The following ANO10 variants were observed in gnomAD, a reference collection of about 807,000 sequenced individuals.
ANO10 encodes anoctamin-10.
In ANO10, 77 loss-of-function variants were observed where a neutral mutation model predicts 74.7. That is an observed-to-expected ratio of 1.03 (90% CI 0.86 to 1.25). The LOEUF (loss-of-function observed/expected upper bound fraction) is 1.25, where lower values mean the gene tolerates loss of function less well. Ranked by LOEUF, ANO10 falls within the 50% of genes most tolerant of loss-of-function variation. The pLI is 0.00. For synonymous variants in ANO10, 279 were observed against 284.9 expected (o/e 0.98, Z 0.21); for missense variants, 721 against 778.1 (o/e 0.93, Z 0.87).
intron 11 of ANO10, among the ~76,000 whole-genome samples, chr3:43,436,658 G>C (rs893783553): frequency 1.3e-5 from 2 of 152,196 alleles, no homozygotes; most frequent in Non-Finnish European, 2.9e-5. Flanking sequence ...ATGTTTTCCA[G>C]TGCCAGCAGT....
chr3:43,599,988 C>CA (rs1010530934), intron 3 of ANO10, among the ~76,000 whole-genome samples: 10 of 151,100 alleles, frequency 6.6e-5, no homozygotes, highest in Middle Eastern at 3.5e-3. Flanking sequence ...ATTCTGCTTT[C>CA]AAAAAAAAGG....
chr3:43,669,361 G>A lies in ANO10; in HGVS notation c.-12+22156C>T, dbSNP rs182022537. The stretch of plus-strand genomic sequence containing the variant: ...TGAGAATCTGGTAGCATTCCTGGAG[G>A]TAAAACTCATGAAAATGTGAGGGCC... On this transcript the variant is annotated intron_variant, in intron 1 of 3. Coordinates refer to the ANO10 transcript ENST00000413397. 1.9e-3 allele frequency among the ~76,000 whole-genome samples: 285 copies of A among 152,230 alleles called. 2 individuals are homozygous for A. The highest frequency in any genetic ancestry group is 1.8e-3 in the Non-Finnish European group (121 of 68,018).
rs1214802931 is a variant in ANO10 at position 43,605,856 on chromosome 3, T to G, written c.-4A>C. On this transcript the variant is annotated 5_prime_UTR_variant, in exon 2 of 13. Transcript: ENST00000292246. ...AAGCTGATAAGGTCACTTTCATCTT[T>G]GACAAATCTGCGGAAAATTAAAATA... is the stretch of plus-strand genomic sequence containing the variant. 6.2e-7 allele frequency: 1 copy of G among 1,613,372 alleles called. No individual in the cohort carries two copies. Among genetic ancestry groups the G allele is most frequent in the Admixed American group, 1.7e-5 (1 of 59,996 alleles).
At chr3:43,466,369 C>CAAAAAAAAAAAAA (rs36126977) in intron 11 of ANO10, among the ~76,000 whole-genome samples, 3 of 45,388 alleles carry the variant, frequency 6.6e-5, no homozygotes, top group South Asian at 1.2e-3. Context: ...GACTCCATCT[C>CAAAAAAAAAAAAA]AAAAAAAAAA....
At chr3:43,512,176 C>T (rs756214850) in intron 11 of ANO10, among the ~76,000 whole-genome samples, 10 of 152,166 alleles carry the variant, frequency 6.6e-5, no homozygotes, top group Non-Finnish European at 1.5e-4. Context: ...GCTCCTGTCA[C>T]CCAACTAGCA....
chr3:43,577,363 C>T, intron 5 of ANO10, 102 bp from the exon 6 acceptor site: 2 of 1,147,072 alleles, frequency 1.7e-6, no homozygotes, highest in Non-Finnish European at 2.6e-6. Context: ...GGGGATCATT[C>T]AACCCTCACT....
chr3:43,604,853 A>G (rs894071256), intron 2 of ANO10, among the ~76,000 whole-genome samples: 2 of 152,194 alleles, frequency 1.3e-5, no homozygotes, highest in Non-Finnish European at 1.5e-5. Context: ...ACATTTCAGC[A>G]AGCAAATACT....
chr3:43,683,500 C>G (rs1209176741), intron 1 of ANO10, among the ~76,000 whole-genome samples: 1 of 152,168 alleles, frequency 6.6e-6, no homozygotes, highest in South Asian at 2.1e-4. Context: ...AATGGCCATA[C>G]TGCCCGAGGT....
intron 11 of ANO10, among the ~76,000 whole-genome samples, chr3:43,531,235 T>C (rs924090655): frequency 1.3e-5 from 2 of 152,242 alleles, no homozygotes; most frequent in African/African-American, 4.8e-5. Context: ...CCTACATTTT[T>C]AAGCAAATTA....
At position 43,577,113 on chromosome 3, in the gene ANO10, G is replaced by A. The variant is rs565581904; in HGVS notation, c.741C>T (p.Ala247=). The part of the protein sequence containing the change: ...WEDYDKYVIF[A]SFNLIWSTVI... Reference sequence around the variant, plus strand: ...CCGTGGACCAGATGAGGTTGAACGAGGCAAAGATCACGTACTTGTCATAGT... The same window carrying A: ...CCGTGGACCAGATGAGGTTGAACGAAGCAAAGATCACGTACTTGTCATAGT... The change falls in exon 6 of 13, where the codon GCC becomes GCT. Residue 247 remains alanine (A), a synonymous_variant. Coordinates refer to ENST00000292246, the MANE Select transcript of ANO10 (RefSeq NM_018075.5). 5.0e-6 allele frequency: 8 copies of A among 1,614,152 alleles called. No homozygotes were observed. The East Asian group carries it at 1.3e-4, about 27-fold the overall frequency.
At chr3:43,433,555 C>G (rs2093023825) in intron 11 of ANO10, among the ~76,000 whole-genome samples, 1 of 152,164 alleles carries the variant, frequency 6.6e-6, no homozygotes, top group African/African-American at 2.4e-5. Flanking sequence ...ATGATTGTAA[C>G]TTTATGCTGC....
intron 11 of ANO10, among the ~76,000 whole-genome samples, chr3:43,454,663 T>C (rs573332420): frequency 6.6e-6 from 1 of 151,728 alleles, no homozygotes; most frequent in African/African-American, 2.4e-5. Flanking sequence ...AAACAGTGTT[T>C]CCAGGAGAGA....
At chr3:43,572,519 T>C (rs1299043350) in intron 7 of ANO10, among the ~76,000 whole-genome samples, 3 of 152,156 alleles carry the variant, frequency 2.0e-5, no homozygotes, top group Non-Finnish European at 2.9e-5. Context: ...ACTGGGAGGC[T>C]ATAACAACCA....
chr3:43,574,688 T>A, intron 7 of ANO10, 121 bp downstream of exon 7: 1 of 804,808 alleles, frequency 1.2e-6, no homozygotes. Flanking sequence ...AATCCTTGCC[T>A]ATTTGCACAA....
chr3:43,531,574 G>T (rs151194557), intron 11 of ANO10, among the ~76,000 whole-genome samples: 1 of 152,068 alleles, frequency 6.6e-6, no homozygotes, highest in Non-Finnish European at 1.5e-5. Context: ...GTGATCTGAC[G>T]ATTTGTCATT....
At chr3:43,670,548 A>G (rs1387095627) in intron 1 of ANO10, among the ~76,000 whole-genome samples, 1 of 152,170 alleles carries the variant, frequency 6.6e-6, no homozygotes, top group Non-Finnish European at 1.5e-5. Flanking sequence ...TGACAAGTGC[A>G]ACAGGACAAA....
chr3:43,493,697 G>A (rs1190052372), intron 11 of ANO10, among the ~76,000 whole-genome samples: 1 of 152,054 alleles, frequency 6.6e-6, no homozygotes, highest in East Asian at 1.9e-4. Flanking sequence ...TAAAATAAAA[G>A]TAGAAAAATA....
At chr3:43,573,636 A>T (rs2080851196) in intron 7 of ANO10, among the ~76,000 whole-genome samples, 1 of 152,114 alleles carries the variant, frequency 6.6e-6, no homozygotes, top group Non-Finnish European at 1.5e-5. Context: ...ACCCCCGATA[A>T]ATGAGGTGTT....
intron 12 of ANO10, among the ~76,000 whole-genome samples, chr3:43,390,792 T>C (rs561946152): frequency 3.9e-5 from 6 of 152,374 alleles, no homozygotes; most frequent in African/African-American, 1.4e-4. Context: ...AGATGCTCTA[T>C]GAAGACAACT....
Sources: gnomAD v4.1 joint callset for allele counts (sites outside exome capture counted in the v4.1 genomes callset) on GRCh38, gnomAD v4.1.1 for gene constraint, MANE v1.5 for transcripts, NCBI Gene and HGNC (gene_info 2026-07-23, HGNC 2026-07-21) for gene names.